Variants in PTPRD observed in about 807,000 individuals in gnomAD.
PTPRD encodes the protein receptor-type tyrosine-protein phosphatase delta.
In PTPRD, 34 loss-of-function variants were observed where a neutral mutation model predicts 214.5. The ratio of observed to expected loss-of-function variants is 0.16; its 90% confidence interval spans 0.12 to 0.21. The LOEUF (loss-of-function observed/expected upper bound fraction) is 0.21, where lower values mean the gene tolerates loss of function less well. PTPRD is among the 10% of genes least tolerant of loss of function. The pLI, the probability that PTPRD is intolerant of heterozygous loss-of-function variation, is 1.00. For synonymous variants in PTPRD, 1,128 were observed against 845.7 expected, an observed-to-expected ratio of 1.33 and a Z score of -5.79; for missense variants, 2,545 against 2,398.7, an observed-to-expected ratio of 1.06 and a Z score of -1.27.
At chr9:9,329,415 C>G (rs1051756044) in intron 9 of PTPRD, among the ~76,000 whole-genome samples, 4 of 152,060 alleles carry the variant, frequency 2.6e-5, no homozygotes, top group Non-Finnish European at 5.9e-5. Context: ...ATTCCATGCC[C>G]TTTACTGTGA....
At chr9:10,194,183 C>T (rs1198835405) in intron 3 of PTPRD, among the ~76,000 whole-genome samples, 1 of 152,012 alleles carries the variant, frequency 6.6e-6, no homozygotes, top group Non-Finnish European at 1.5e-5. Flanking sequence ...CATCGTGCTT[C>T]TCACTTTATC....
intron 3 of PTPRD, among the ~76,000 whole-genome samples, chr9:10,224,576 G>C (rs997639814): frequency 4.0e-5 from 6 of 151,896 alleles, no homozygotes; most frequent in African/African-American, 1.5e-4. Context: ...ATCCTTTTGT[G>C]ATATTTTAAA....
At chr9:9,615,675 G>A (rs1373610161) in intron 7 of PTPRD, among the ~76,000 whole-genome samples, 1 of 152,102 alleles carries the variant, frequency 6.6e-6, no homozygotes, top group Non-Finnish European at 1.5e-5. Context: ...AAATTGTTCT[G>A]GAGATCATTT....
At chr9:8,414,497 G>A (rs1327739166) in intron 35 of PTPRD, among the ~76,000 whole-genome samples, 1 of 151,880 alleles carries the variant, frequency 6.6e-6, no homozygotes, top group Non-Finnish European at 1.5e-5. Context: ...CATTTTTTTG[G>A]TTTGTTTGAA....
At chr9:8,844,433 A>G (rs1399365748) in intron 11 of PTPRD, among the ~76,000 whole-genome samples, 3 of 152,120 alleles carry the variant, frequency 2.0e-5, no homozygotes, top group African/African-American at 7.2e-5. Context: ...CATATTTTTT[A>G]TTTAATATGA....
At chr9:8,731,749 T>C (rs1212300266) in intron 12 of PTPRD, among the ~76,000 whole-genome samples, 1 of 152,244 alleles carries the variant, frequency 6.6e-6, no homozygotes, top group Non-Finnish European at 1.5e-5. Context: ...TTAAAAGATA[T>C]GGTTAAATTT....
At chr9:9,780,521 T>C (rs147631624) in intron 5 of PTPRD, among the ~76,000 whole-genome samples, 44 of 152,330 alleles carry the variant, frequency 2.9e-4, no homozygotes, top group African/African-American at 8.2e-4. Context: ...CATATATCAT[T>C]GGTAACAAAG....
chr9:9,405,816 A>C (rs1047475094), intron 8 of PTPRD, among the ~76,000 whole-genome samples: 1 of 151,922 alleles, frequency 6.6e-6, no homozygotes, highest in African/African-American at 2.4e-5. Context: ...CAACACTGAA[A>C]TCATTTTTAT....
rs117185015 is a variant in PTPRD, at chr9:9,802,131, A to G, written c.-367-35280T>C. Among the ~76,000 whole-genome samples the G allele has an allele frequency of 1.9e-3, 294 of 152,184 alleles. 1 individual carries two copies. Among genetic ancestry groups the G allele is most frequent in the Admixed American group, 3.7e-3 (57 of 15,288 alleles). The stretch of plus-strand genomic sequence containing the variant: ...AGAATATTGTGTTTCATCTCCTTGA[A>G]TTGGTGCAGACACAGTCTGGTCCAG... On this transcript the variant is annotated intron_variant, in intron 5 of 45. Coordinates refer to ENST00000381196, the MANE Select transcript of PTPRD (RefSeq NM_002839.4).
chr9:9,365,837 C>G (rs772901420), intron 9 of PTPRD, among the ~76,000 whole-genome samples: 8 of 151,332 alleles, frequency 5.3e-5, no homozygotes, highest in Non-Finnish European at 1.2e-4. Context: ...CTTAGAATAT[C>G]TAAACTCTAG....
At chr9:9,456,788 A>G (rs936829816) in intron 8 of PTPRD, among the ~76,000 whole-genome samples, 9 of 151,902 alleles carry the variant, frequency 5.9e-5, no homozygotes, top group African/African-American at 2.2e-4. Flanking sequence ...TAACTTCTTA[A>G]AAGTCACCCA....
chr9:8,640,574 A>C (rs1476316923), intron 12 of PTPRD, among the ~76,000 whole-genome samples: 9 of 149,578 alleles, frequency 6.0e-5, no homozygotes, highest in East Asian at 2.0e-4. Flanking sequence ...AAAAAAAAAA[A>C]ACAAAAAAAC....
chr9:9,142,437 A>G (rs1417629431), intron 10 of PTPRD, among the ~76,000 whole-genome samples: 1 of 152,226 alleles, frequency 6.6e-6, no homozygotes, highest in East Asian at 1.9e-4. Context: ...TCCTAATGCA[A>G]TGACGGGTAA....
At chr9:10,246,124 C>A (rs1325941053) in intron 3 of PTPRD, among the ~76,000 whole-genome samples, 1 of 152,044 alleles carries the variant, frequency 6.6e-6, no homozygotes, top group Non-Finnish European at 1.5e-5. Flanking sequence ...AATAATCCAA[C>A]TCTTAAATAC....
chr9:10,588,125 A>C (rs2074398798), intron 2 of PTPRD, among the ~76,000 whole-genome samples: 1 of 152,062 alleles, frequency 6.6e-6, no homozygotes, highest in African/African-American at 2.4e-5. Flanking sequence ...GACAAATAGG[A>C]GTCCCATAAT....
rs549825292 is a variant in PTPRD at position 9,725,241 on chromosome 9, A to T, written c.-287+9292T>A. ...TGAATCATGGGGGCAAGTCTTTCCC[A>T]TGCTGTTCCCATGATAGTGAATAAG... is the stretch of plus-strand genomic sequence containing the variant. On this transcript the variant is annotated intron_variant, in intron 7 of 45. Transcript: ENST00000381196. Among the ~76,000 whole-genome samples the T allele has an allele frequency of 7.2e-4, 109 of 152,010 alleles. 1 individual carries two copies. The highest frequency in any genetic ancestry group is 2.5e-3 in the African/African-American group (104 of 41,480).
At chr9:8,943,456 C>A (rs1349262595) in intron 11 of PTPRD, among the ~76,000 whole-genome samples, 1 of 151,652 alleles carries the variant, frequency 6.6e-6, no homozygotes, top group Non-Finnish European at 1.5e-5. Flanking sequence ...AACAGAGAAC[C>A]CAGAAATAAA....
At chr9:9,799,039 G>C (rs1036178616) in intron 5 of PTPRD, among the ~76,000 whole-genome samples, 5 of 152,098 alleles carry the variant, frequency 3.3e-5, no homozygotes, top group African/African-American at 4.8e-5. Context: ...CATTATTCCT[G>C]TTATTATTAC....
chr9:10,374,818 G>A (rs1414127840), intron 2 of PTPRD, among the ~76,000 whole-genome samples: 1 of 151,928 alleles, frequency 6.6e-6, no homozygotes, highest in African/African-American at 2.4e-5. Flanking sequence ...CGGTATATAT[G>A]ACTACTTGAA....
Sources: gnomAD v4.1 joint callset for allele counts (sites outside exome capture counted in the v4.1 genomes callset) on GRCh38, gnomAD v4.1.1 for gene constraint, MANE v1.5 for transcripts, NCBI Gene and HGNC (gene_info 2026-07-23, HGNC 2026-07-21) for gene names.